Variants in PCBP3 observed in about 807,000 individuals in gnomAD.
PCBP3 encodes the protein poly(rC) binding protein 3.
In PCBP3, 25 loss-of-function variants were observed where a neutral mutation model predicts 52.7. The ratio of observed to expected loss-of-function variants is 0.47; its 90% CI spans 0.35 to 0.66. The LOEUF (loss-of-function observed/expected upper bound fraction) is 0.66. Among genes scored for constraint, PCBP3 ranks in the 30% least tolerant of loss-of-function variants. The pLI is 0.01. For missense variants in PCBP3, 391 were observed against 490.3 expected (o/e 0.80, Z 1.91); for synonymous variants, 162 against 183.0 (o/e 0.89, Z 0.93).
At chr21:45,812,547 G>A (rs986307722) in intron 4 of PCBP3, among the ~76,000 whole-genome samples, 3 of 151,974 alleles carry the variant, frequency 2.0e-5, no homozygotes, top group Non-Finnish European at 2.9e-5. Context: ...CTGGGATGAC[G>A]CCCACCAACA....
intron 13 of PCBP3, among the ~76,000 whole-genome samples, chr21:45,920,638 G>T (rs527408408): frequency 6.6e-6 from 1 of 152,158 alleles, no homozygotes; most frequent in Non-Finnish European, 1.5e-5. Flanking sequence ...GGTCATGAGC[G>T]CTCCACCCTC....
intron 2 of PCBP3, among the ~76,000 whole-genome samples, chr21:45,718,439 T>C (rs530031869): frequency 1.1e-4 from 17 of 152,152 alleles, no homozygotes; most frequent in African/African-American, 4.1e-4. Context: ...AATTGAGATC[T>C]TGCCTCTTTT....
At chr21:45,911,143 G>T (rs1288744822) in intron 11 of PCBP3, 113 bp downstream of exon 11, 1 of 1,258,808 alleles carries the variant, frequency 7.9e-7, no homozygotes, top group Non-Finnish European at 1.1e-6. Context: ...AGTTGGGGCT[G>T]TGGGGGGCTC....
At chr21:45,718,352 TTTCC>T (rs2148272808) in intron 2 of PCBP3, among the ~76,000 whole-genome samples, 1 of 152,138 alleles carries the variant, frequency 6.6e-6, no homozygotes, top group Non-Finnish European at 1.5e-5. Context: ...GTATTTGTTG[TTTCC>T]TTCCTTCTGC....
At chr21:45,808,028 C>A (rs2092564706) in intron 4 of PCBP3, among the ~76,000 whole-genome samples, 1 of 152,136 alleles carries the variant, frequency 6.6e-6, no homozygotes, top group South Asian at 2.1e-4. Context: ...CTTCCTTACA[C>A]CTTATACAAA....
At chr21:45,667,075 G>GTTCGTTCTTTCTTTCTTTCTTTCT (rs1357637647) in intron 1 of PCBP3, among the ~76,000 whole-genome samples, 214 of 147,664 alleles carry the variant, frequency 1.4e-3, no homozygotes, top group African/African-American at 5.1e-3. Context: ...GCATCTGTTT[G>GTTCGTTCTTTCTTTCTTTCTTTCT]TTCTTTCTTT....
chr21:45,772,840 C>T (rs2089980531), intron 4 of PCBP3, among the ~76,000 whole-genome samples: 1 of 152,134 alleles, frequency 6.6e-6, no homozygotes, highest in Admixed American at 6.5e-5. Context: ...TTATGTTGAA[C>T]ATTTTTTTCA....
At chr21:45,693,011 A>C (rs565035134) in intron 2 of PCBP3, among the ~76,000 whole-genome samples, 1 of 152,334 alleles carries the variant, frequency 6.6e-6, no homozygotes, top group African/African-American at 2.4e-5. Context: ...GTAATTCACC[A>C]TATTAACAAT....
intron 2 of PCBP3, among the ~76,000 whole-genome samples, chr21:45,714,975 C>T (rs887633603): frequency 1.3e-5 from 2 of 152,158 alleles, no homozygotes; most frequent in East Asian, 1.9e-4. Flanking sequence ...TAACTGTTCT[C>T]AGGAAGGGGA....
At chr21:45,795,025 C>T (rs886748155) in intron 4 of PCBP3, among the ~76,000 whole-genome samples, 2 of 151,802 alleles carry the variant, frequency 1.3e-5, no homozygotes, top group Non-Finnish European at 2.9e-5. Flanking sequence ...ACGACATTTT[C>T]GTGAAAAAGA....
intron 4 of PCBP3, among the ~76,000 whole-genome samples, chr21:45,767,274 C>A (rs2089433526): frequency 6.6e-6 from 1 of 152,134 alleles, no homozygotes; most frequent in African/African-American, 2.4e-5. Flanking sequence ...CAGATTTGCC[C>A]ATGCTGGGTA....
chr21:45,835,501 A>G (rs2093563296), intron 4 of PCBP3, among the ~76,000 whole-genome samples: 1 of 152,168 alleles, frequency 6.6e-6, no homozygotes, highest in Non-Finnish European at 1.5e-5. Flanking sequence ...CACCTTAAGG[A>G]GCCCCTCTGC....
Position 45,900,492 on chromosome 21 carries a change from G to A in PCBP3, c.190-99G>A, listed in dbSNP as rs2096002986. 6 of 868,198 alleles carry A rather than the reference G, an allele frequency of 6.9e-6. No individual in the cohort carries two copies. In the South Asian group the frequency reaches 8.6e-5, roughly 12 times the overall value. 53.8% of individuals were successfully genotyped at this position (868,198 alleles called of 1,614,324 possible). A position where few individuals can be genotyped will look rare whatever the true frequency, so the allele number is the denominator to read the frequency against. On this transcript the variant is annotated intron_variant, in intron 7 of 17. Coordinates refer to ENST00000681687, the MANE Select transcript of PCBP3 (RefSeq NM_001384156.1). ...CAGCACAGGCAGGAGGCTCTGCTGT[G>A]TGGGCGTATGGGCCAGGCTGCTCCC...
chr21:45,654,991 T>C (rs1307037350), intron 1 of PCBP3, among the ~76,000 whole-genome samples: 1 of 152,182 alleles, frequency 6.6e-6, no homozygotes, highest in African/African-American at 2.4e-5. Flanking sequence ...GTGTCTGGCT[T>C]CTTTCACTTT....
At chr21:45,790,584 TG>T (rs2091473572) in intron 4 of PCBP3, among the ~76,000 whole-genome samples, 1 of 152,088 alleles carries the variant, frequency 6.6e-6, no homozygotes, top group South Asian at 2.1e-4. Context: ...GACCCAGGCC[TG>T]GGGCGCCCCT....
intron 5 of PCBP3, among the ~76,000 whole-genome samples, chr21:45,892,855 C>T (rs549869802): frequency 2.0e-5 from 3 of 152,334 alleles, no homozygotes; most frequent in African/African-American, 7.2e-5. Flanking sequence ...ACCGTCTCCA[C>T]TGTGGGTGCC....
At chr21:45,941,551 C>T in intron 17 of PCBP3, 119 bp from the exon 18 acceptor site, 1 of 844,408 alleles carries the variant, frequency 1.2e-6, no homozygotes, top group African/African-American at 1.7e-5. Flanking sequence ...ACCTCCTGAG[C>T]TGACCGGGAT....
At chr21:45,657,674 GAA>G (rs35393546) in intron 1 of PCBP3, among the ~76,000 whole-genome samples, 2 of 144,202 alleles carry the variant, frequency 1.4e-5, no homozygotes, top group African/African-American at 5.1e-5. Flanking sequence ...TCACTTTCTG[GAA>G]AAAAAAAAAG....
chr21:45,815,155 G>A (rs1388088548), intron 4 of PCBP3, among the ~76,000 whole-genome samples: 1 of 71,958 alleles, frequency 1.4e-5, no homozygotes, highest in Non-Finnish European at 2.7e-5. Flanking sequence ...TGGTGAGTGA[G>A]TGGTGAGTAG....
Sources: allele counts gnomAD v4.1 joint callset (sites outside exome capture counted in the v4.1 genomes callset), GRCh38; gene constraint gnomAD v4.1.1; transcripts MANE v1.5; gene names NCBI Gene and HGNC (gene_info 2026-07-23, HGNC 2026-07-21).